ERC2: variants seen among roughly 807,000 people sequenced by gnomAD.
ERC2 encodes ELKS/RAB6-interacting/CAST family member 2, also known as ERC protein 2.
ERC2 carries 42 observed loss-of-function variants against 114.8 expected under a neutral mutation model. That is an observed-to-expected ratio of 0.37 (90% CI 0.29 to 0.47). The LOEUF is 0.47. ERC2 is among the 20% of genes least tolerant of loss of function. The pLI is 0.99. For synonymous variants in ERC2, 454 were observed against 425.5 expected (o/e 1.07, Z -0.82); for missense variants, 939 against 1,150.7 (o/e 0.82, Z 2.66).
At chr3:55,659,454 C>A (rs1179359) in intron 17 of ERC2, 28,207 of 151,996 alleles carry the variant, frequency 0.19, 3,291 homozygotes, top group African/African-American at 0.33. Context: ...TCTGGAATCC[C>A]GCTGCTTTTC....
intron 17 of ERC2, among the ~76,000 whole-genome samples, chr3:55,609,992 G>A (rs550573750): frequency 9.8e-5 from 14 of 143,366 alleles, no homozygotes; most frequent in African/African-American, 3.5e-4. Context: ...ACGCCTGCAC[G>A]CATCAAAATG....
chr3:56,398,038 C>T (rs1299292728), intron 2 of ERC2, among the ~76,000 whole-genome samples: 1 of 152,192 alleles, frequency 6.6e-6, no homozygotes, highest in Non-Finnish European at 1.5e-5. Context: ...TACTTTGTCA[C>T]AAAGAAGGCT....
At chr3:55,920,525 C>A (rs1394847083) in intron 13 of ERC2, among the ~76,000 whole-genome samples, 1 of 151,854 alleles carries the variant, frequency 6.6e-6, no homozygotes, top group Non-Finnish European at 1.5e-5. Context: ...AAAAGGACAT[C>A]ATCTCTCCCT....
chr3:55,678,589 A>C (rs536175806), intron 17 of ERC2, among the ~76,000 whole-genome samples: 1 of 151,816 alleles, frequency 6.6e-6, no homozygotes, highest in Admixed American at 6.6e-5. Flanking sequence ...GGAGCCACCC[A>C]CTCTTGAAGT....
intron 2 of ERC2, among the ~76,000 whole-genome samples, chr3:56,382,888 C>A (rs1461184676): frequency 1.3e-5 from 2 of 152,090 alleles, no homozygotes; most frequent in Non-Finnish European, 2.9e-5. Flanking sequence ...TAATAGATAC[C>A]CCAAGGTTCA....
At chr3:56,431,830 T>C (rs1180213192) in intron 2 of ERC2, among the ~76,000 whole-genome samples, 1 of 152,224 alleles carries the variant, frequency 6.6e-6, no homozygotes, top group East Asian at 1.9e-4. Context: ...GTATTAAATA[T>C]ACAGATTAAT....
chr3:56,023,767 A>AAAGGAAGGAAGGAAAGAAGG (rs768746262), intron 7 of ERC2, among the ~76,000 whole-genome samples: 1 of 49,586 alleles, frequency 2.0e-5, no homozygotes, highest in Non-Finnish European at 5.4e-5. Flanking sequence ...ATGAATGAAA[A>AAAGGAAGGAAGGAAAGAAGG]AAGGAATGAA....
At chr3:56,438,898 C>T (rs951784923) in intron 1 of ERC2, among the ~76,000 whole-genome samples, 4 of 152,192 alleles carry the variant, frequency 2.6e-5, no homozygotes, top group Admixed American at 2.6e-4. Context: ...CCTTTGGAAA[C>T]ACACACACAT....
At chr3:56,282,267 C>T (rs565720243) in intron 3 of ERC2, among the ~76,000 whole-genome samples, 1 of 152,038 alleles carries the variant, frequency 6.6e-6, no homozygotes, top group East Asian at 1.9e-4. Flanking sequence ...CCTCATAAAA[C>T]AATGCAGATG....
At chr3:56,067,473 A>G (rs764572407) in intron 7 of ERC2, among the ~76,000 whole-genome samples, 15 of 152,172 alleles carry the variant, frequency 9.9e-5, no homozygotes, top group South Asian at 2.1e-4. Context: ...TTTTCTAGAT[A>G]TAGGATCATG....
chr3:55,775,639 C>A (rs2068548668), intron 14 of ERC2, among the ~76,000 whole-genome samples: 1 of 151,650 alleles, frequency 6.6e-6, no homozygotes. Flanking sequence ...AATAGACAGA[C>A]AGAGAGAGTA....
At chr3:55,714,472 A>T (rs2063962252) in intron 15 of ERC2, among the ~76,000 whole-genome samples, 1 of 152,050 alleles carries the variant, frequency 6.6e-6, no homozygotes, top group South Asian at 2.1e-4. Flanking sequence ...TCCTATAATG[A>T]AATATTCAGA....
At chr3:56,445,241 G>T (rs2062506864) in intron 1 of ERC2, among the ~76,000 whole-genome samples, 2 of 152,122 alleles carry the variant, frequency 1.3e-5, no homozygotes, top group African/African-American at 4.8e-5. Flanking sequence ...TATTCAGTCT[G>T]ATTCCTTTCC....
At chr3:55,655,730 G>C (rs1204525807) in intron 17 of ERC2, among the ~76,000 whole-genome samples, 1 of 152,176 alleles carries the variant, frequency 6.6e-6, no homozygotes, top group Non-Finnish European at 1.5e-5. Context: ...CTGAGTCACT[G>C]TATGGAACAC....
intron 6 of ERC2, among the ~76,000 whole-genome samples, chr3:56,135,441 A>G (rs2080450151): frequency 6.6e-6 from 1 of 152,244 alleles, no homozygotes; most frequent in South Asian, 2.1e-4. Flanking sequence ...AGATGTGAAG[A>G]TGACAAGTGA....
At chr3:55,729,100 G>A (rs1194441948) in intron 15 of ERC2, among the ~76,000 whole-genome samples, 1 of 152,192 alleles carries the variant, frequency 6.6e-6, no homozygotes, top group Non-Finnish European at 1.5e-5. Flanking sequence ...TGCAGAGCTA[G>A]TGTATTCTGC....
chr3:56,119,585 T>C (rs1194684052), intron 6 of ERC2, among the ~76,000 whole-genome samples: 1 of 152,206 alleles, frequency 6.6e-6, no homozygotes, highest in Non-Finnish European at 1.5e-5. Context: ...ATTATAATTG[T>C]TTTACTGAAA....
At chr3:56,423,281 C>T (rs530923933) in intron 2 of ERC2, among the ~76,000 whole-genome samples, 2 of 152,314 alleles carry the variant, frequency 1.3e-5, no homozygotes, top group African/African-American at 4.8e-5. Flanking sequence ...GCATGATATG[C>T]AAAATGAAGT....
intron 5 of ERC2, among the ~76,000 whole-genome samples, chr3:56,146,007 C>A (rs1010615253): frequency 6.6e-6 from 1 of 152,132 alleles, no homozygotes. Context: ...TAGAATTGGG[C>A]TGGGTGTGGT....
Sources: gnomAD v4.1 joint callset for allele counts (sites outside exome capture counted in the v4.1 genomes callset) on GRCh38, gnomAD v4.1.1 for gene constraint, MANE v1.5 for transcripts, NCBI Gene and HGNC (gene_info 2026-07-23, HGNC 2026-07-21) for gene names.